Variants in CCDC38 observed in about 807,000 individuals in gnomAD.
CCDC38 encodes coiled-coil domain-containing protein 38.
A neutral mutation model predicts 72.8 loss-of-function variants in CCDC38; 69 were observed. That is an observed-to-expected ratio of 0.95 (90% confidence interval 0.78 to 1.16). The LOEUF is 1.16. Ranked by LOEUF, CCDC38 falls within the 50% of genes most tolerant of loss-of-function variation. The probability of loss-of-function intolerance (pLI) is 0.00; values close to 1 mark genes in which losing one functional copy is unlikely to be tolerated. For synonymous variants in CCDC38, 201 were observed against 213.2 expected (o/e 0.94, Z 0.50); for missense variants, 626 against 638.9 (o/e 0.98, Z 0.22).
intron 15 of CCDC38, 24 bp from the exon 16 acceptor site, chr12:95,867,213 A>G (rs1469356354): frequency 1.5e-6 from 2 of 1,302,370 alleles, no homozygotes; most frequent in East Asian, 2.3e-5. Context: ...AAAACAAAAT[A>G]CTTAATATTT....
chr12:95,919,272 A>G (rs964415693), intron 2 of CCDC38, among the ~76,000 whole-genome samples: 1 of 152,216 alleles, frequency 6.6e-6, no homozygotes, highest in Non-Finnish European at 1.5e-5. Context: ...ATCTCAGGTG[A>G]GGTACAGAAA....
chr12:95,886,516 G>T (rs1583519), intron 10 of CCDC38, among the ~76,000 whole-genome samples: 4,459 of 152,136 alleles, frequency 0.029, 199 homozygotes, highest in African/African-American at 0.1. Context: ...CTATTAAGAG[G>T]ATAAAAAAGA....
chr12:95,872,348 G>A lies in CCDC38; in HGVS notation c.1391C>T (p.Ser464Phe), dbSNP rs201020728. 6 of 1,614,164 alleles carry A rather than the reference G, an allele frequency of 3.7e-6. No individual in the cohort carries two copies. The highest frequency in any genetic ancestry group is 5.1e-6 in the Non-Finnish European group (6 of 1,180,016). The change falls in exon 14 of 16, where the codon TCT (serine) becomes TTT (phenylalanine). Residue 464 changes from serine to phenylalanine, a missense_variant. By Grantham distance (155) the Ser-to-Phe change is radical. Coordinates refer to ENST00000344280, the MANE Select transcript of CCDC38 (RefSeq NM_182496.3). ...GAGGTCACACAGTTCTACCAGGCGA[G>A]ATTCTACTTTTACCAGCTTTTGAAT... is the stretch of plus-strand genomic sequence containing the variant. ...NPIQKLVKVESRLVELCDLIE... is the reference protein window; with the variant it reads ...NPIQKLVKVEFRLVELCDLIE...
intron 5 of CCDC38, chr12:95,903,782 T>C (rs1176743786): frequency 4.2e-6 from 1 of 238,264 alleles, no homozygotes; most frequent in Non-Finnish European, 8.1e-6. Context: ...TTGGATTTGG[T>C]TTGTTACATT....
At chr12:95,909,917 C>G (rs528756160) in intron 4 of CCDC38, among the ~76,000 whole-genome samples, 96 of 152,234 alleles carry the variant, frequency 6.3e-4, no homozygotes, top group Admixed American at 1.2e-3. Context: ...TACTAACAGC[C>G]ATCTATGACA....
chr12:95,907,528 C>G (rs1592783296), intron 4 of CCDC38, among the ~76,000 whole-genome samples: 1 of 122,768 alleles, frequency 8.1e-6, no homozygotes, highest in Non-Finnish European at 1.7e-5. Flanking sequence ...TAGGGGCGGC[C>G]GGGCAGAGGC....
intron 10 of CCDC38, 41 bp downstream of exon 10, chr12:95,888,417 A>G (rs779911962): frequency 6.4e-7 from 1 of 1,566,444 alleles, no homozygotes; most frequent in South Asian, 1.1e-5. Context: ...GCTGAAAACC[A>G]TTCCCAGTTT....
rs775272272 is a variant in CCDC38 at position 95,917,251 on chromosome 12, G to T, written c.182C>A (p.Thr61Asn). The T allele has an allele frequency of 4.4e-6, 7 of 1,603,086 alleles. No individual in the cohort carries two copies. The highest frequency in any genetic ancestry group is 1.6e-4 in the Middle Eastern group (1 of 6,062). ...NRNMKVYQKT[T>N]FSSRMKSHSY... The stretch of plus-strand genomic sequence containing the variant: ...ATGACTCTTCATTCTGGATGAAAAA[G>T]TAGTTTTCTGGTAGACTTTCATGTT... Residue 61 changes from threonine to asparagine, a missense_variant, in exon 4 of 16, where the codon ACT becomes AAT. Physicochemically the swap from Thr to Asn is moderately conservative, Grantham distance 65. Coordinates refer to ENST00000344280, the MANE Select transcript of CCDC38 (RefSeq NM_182496.3).
chr12:95,903,514 T>A (rs1439612444), intron 5 of CCDC38: 2 of 697,404 alleles, frequency 2.9e-6, no homozygotes, highest in African/African-American at 1.8e-5. Context: ...TATGTAATGT[T>A]AGTGATAAGT....
intron 13 of CCDC38, among the ~76,000 whole-genome samples, chr12:95,877,484 C>T (rs1190382615): frequency 3.3e-5 from 5 of 152,022 alleles, no homozygotes; most frequent in African/African-American, 4.8e-5. Flanking sequence ...AGTTTGGTCC[C>T]GAAACAATGT....
At chr12:95,911,472 C>G (rs1057194617) in intron 4 of CCDC38, among the ~76,000 whole-genome samples, 1 of 152,104 alleles carries the variant, frequency 6.6e-6, no homozygotes, top group Non-Finnish European at 1.5e-5. Flanking sequence ...TATTTGCAAG[C>G]TATGTATATT....
rs144738792 is a variant in CCDC38 at position 95,873,987 on chromosome 12, T to C, written c.1279-1527A>G. On this transcript the variant is annotated intron_variant, in intron 13 of 15. Transcript: ENST00000344280. The stretch of plus-strand genomic sequence containing the variant: ...GATCCTTTTAGAAAACTTGGAGAAA[T>C]ACATAATAATATAAAAGAAAACAGC... Among the ~76,000 whole-genome samples the C allele has an allele frequency of 6.3e-3, 961 of 152,286 alleles. 15 individuals are homozygous for C. Among genetic ancestry groups the C allele is most frequent in the African/African-American group, 0.022 (913 of 41,552 alleles).
At chr12:95,888,746 G>A (rs1317448241) in intron 9 of CCDC38, among the ~76,000 whole-genome samples, 1 of 151,992 alleles carries the variant, frequency 6.6e-6, no homozygotes, top group Non-Finnish European at 1.5e-5. Flanking sequence ...AAAATGAAAG[G>A]CACAGACTCT....
chr12:95,870,870 A>G (rs189757447), intron 14 of CCDC38, among the ~76,000 whole-genome samples: 6 of 152,344 alleles, frequency 3.9e-5, no homozygotes, highest in African/African-American at 1.2e-4. Context: ...AGTACTTACT[A>G]TGCGCCAAGC....
chr12:95,890,887 C>T lies in CCDC38; in HGVS notation c.816G>A (p.Glu272=). 1 of 1,607,314 alleles carries T rather than the reference C, an allele frequency of 6.2e-7. No individual in the cohort carries two copies. Among genetic ancestry groups the T allele is most frequent in the Non-Finnish European group, 8.5e-7 (1 of 1,175,496 alleles). The change falls in exon 9 of 16, where the codon GAG becomes GAA. Residue 272 remains glutamate, a synonymous_variant. Transcript: ENST00000344280. ...CTGAAAGGACAGCTGTCCTCCCGGA[C>T]TCCTCAAGGATGCCTTCCTTGTTAC... ...HSSNKEGILE[E]SGRTAVLSED... is the part of the protein sequence containing the mutation.
At chr12:95,874,682 G>T (rs2079617249) in intron 13 of CCDC38, among the ~76,000 whole-genome samples, 1 of 152,224 alleles carries the variant, frequency 6.6e-6, no homozygotes, top group African/African-American at 2.4e-5. Flanking sequence ...CGGAGGAGGA[G>T]CTGCCAAGGG....
At chr12:95,939,407 AG>A (rs2080426446) in intron 1 of CCDC38, among the ~76,000 whole-genome samples, 2 of 152,174 alleles carry the variant, frequency 1.3e-5, no homozygotes, top group South Asian at 4.1e-4. Flanking sequence ...GACTGTAGAA[AG>A]GGAAAAGGGT....
At chr12:95,894,443 TC>T (rs2079863743) in intron 8 of CCDC38, among the ~76,000 whole-genome samples, 1 of 152,204 alleles carries the variant, frequency 6.6e-6, no homozygotes, top group Non-Finnish European at 1.5e-5. Flanking sequence ...TGGAATTTGG[TC>T]CCCAATGTCA....
rs772903091 is a variant in CCDC38 at position 95,869,479 on chromosome 12, C to A, written c.1578+1G>T. ...CTGGATCTATTAATAGCAAAACAAA[C>A]CTTTTTCTTTGGTTGTGCTACTGCT... On this transcript the variant is annotated splice_donor_variant, in intron 15 of 15. Coordinates refer to ENST00000344280, the MANE Select transcript of CCDC38 (RefSeq NM_182496.3). LOFTEE classifies it high-confidence loss of function. The A allele has an allele frequency of 6.2e-7, 1 of 1,610,942 alleles. No homozygotes were observed. The highest frequency in any genetic ancestry group is 8.5e-7 in the Non-Finnish European group (1 of 1,178,434).
Sources: gnomAD v4.1 joint callset for allele counts (sites outside exome capture counted in the v4.1 genomes callset) on GRCh38, gnomAD v4.1.1 for gene constraint, MANE v1.5 for transcripts, NCBI Gene and HGNC (gene_info 2026-07-23, HGNC 2026-07-21) for gene names.